Variants in COL4A2 observed in about 807,000 individuals in gnomAD.
COL4A2 encodes collagen alpha-2(IV) chain.
A neutral mutation model predicts 200.2 loss-of-function variants in COL4A2; 99 were observed. The ratio of observed to expected loss-of-function variants is 0.49; its 90% confidence interval spans 0.42 to 0.58. The LOEUF is 0.58. COL4A2 is among the 20% of genes least tolerant of loss of function. COL4A2 has a pLI of 0.00. For missense variants in COL4A2, 1,950 were observed against 2,314.1 expected (o/e 0.84, Z 3.23); for synonymous variants, 897 against 900.6 (o/e 1.00, Z 0.07).
At chr13:110,498,779 C>T (rs1439123064) in intron 40 of COL4A2, among the ~76,000 whole-genome samples, 1 of 152,170 alleles carries the variant, frequency 6.6e-6, no homozygotes, top group Non-Finnish European at 1.5e-5. Context: ...CATTGATGGC[C>T]TTATTACACA....
Position 110,438,018 on chromosome 13 carries a change from A to C in COL4A2, c.842A>C (p.Glu281Ala). 1 of 1,613,476 alleles carries C rather than the reference A, an allele frequency of 6.2e-7. No homozygotes were observed. Among genetic ancestry groups the C allele is most frequent in the Non-Finnish European group, 8.5e-7 (1 of 1,179,530 alleles). Residue 281 changes from glutamate (E) to alanine (A), a missense_variant, in exon 14 of 48, where the codon GAG becomes GCG. Physicochemically the swap from Glu to Ala is moderately radical, Grantham distance 107 (BLOSUM62 -1). Coordinates refer to ENST00000360467, the MANE Select transcript of COL4A2 (RefSeq NM_001846.4). ...TCTTCACAGGGTGAAAAAGGCAGTG[A>C]GGGGGAACCAGGAATAAGAGTAAGT... Reference protein sequence around the residue: ...PDQYKGEKGSEGEPGIRGISL... With the variant: ...PDQYKGEKGSAGEPGIRGISL...
At chr13:110,457,640 G>A (rs1387104325) in intron 21 of COL4A2, 2 of 682,274 alleles carry the variant, frequency 2.9e-6, no homozygotes, top group South Asian at 1.5e-5. Context: ...TCGGCCCCCA[G>A]GCTCACCGTC....
At chr13:110,360,445 A>G (rs1176583425) in intron 4 of COL4A2, among the ~76,000 whole-genome samples, 1 of 152,244 alleles carries the variant, frequency 6.6e-6, no homozygotes, top group Non-Finnish European at 1.5e-5. Flanking sequence ...ATAGCAGTGT[A>G]CTGTTACACG....
At chr13:110,441,894 A>G (rs1186274360) in intron 16 of COL4A2, among the ~76,000 whole-genome samples, 2 of 151,692 alleles carry the variant, frequency 1.3e-5, no homozygotes, top group African/African-American at 4.9e-5. Flanking sequence ...AACCTGGCCA[A>G]CATGGTGAAA....
chr13:110,326,435 C>G (rs1281516511), intron 3 of COL4A2, among the ~76,000 whole-genome samples: 1 of 152,160 alleles, frequency 6.6e-6, no homozygotes, highest in African/African-American at 2.4e-5. Context: ...CAGCTGCCAG[C>G]CTTCTGCTCC....
At chr13:110,504,364 G>A (rs1228343865) in intron 45 of COL4A2, 100 bp downstream of exon 45, 4 of 1,005,308 alleles carry the variant, frequency 4.0e-6, no homozygotes, top group East Asian at 2.4e-5. Context: ...GCCCAGAAAA[G>A]CCAGAAATGA....
intron 20 of COL4A2, among the ~76,000 whole-genome samples, chr13:110,454,560 G>A (rs953674859): frequency 3.3e-5 from 5 of 152,092 alleles, no homozygotes; most frequent in African/African-American, 7.2e-5. Flanking sequence ...GACCGGACAC[G>A]CAGCTGACCT....
intron 26 of COL4A2, 141 bp downstream of exon 26, chr13:110,466,203 G>A: frequency 3.3e-6 from 3 of 898,886 alleles, no homozygotes; most frequent in Non-Finnish European, 5.0e-6. Context: ...ACAACATAGT[G>A]GCCTGGTGAG....
intron 4 of COL4A2, among the ~76,000 whole-genome samples, chr13:110,372,428 G>C (rs1254033985): frequency 6.6e-6 from 1 of 152,340 alleles, no homozygotes; most frequent in East Asian, 1.9e-4. Context: ...GAAATGAGAA[G>C]TGTCATCCTG....
At chr13:110,438,151 T>TC (rs1880970628) in intron 14 of COL4A2, 114 bp downstream of exon 14, 2 of 777,744 alleles carry the variant, frequency 2.6e-6, no homozygotes, top group African/African-American at 3.5e-5. Context: ...CAGTCTCTCA[T>TC]CCCCTTGTCC....
intron 3 of COL4A2, among the ~76,000 whole-genome samples, chr13:110,328,024 C>A (rs971597401): frequency 3.9e-5 from 6 of 152,130 alleles, no homozygotes; most frequent in Admixed American, 3.3e-4. Flanking sequence ...AAATCATACA[C>A]CACAAACCTC....
intron 3 of COL4A2, among the ~76,000 whole-genome samples, chr13:110,354,151 GA>G (rs1409042671): frequency 6.6e-6 from 1 of 152,170 alleles, no homozygotes; most frequent in African/African-American, 2.4e-5. Flanking sequence ...AATAGCTTGG[GA>G]AACAGCAGAT....
intron 40 of COL4A2, among the ~76,000 whole-genome samples, chr13:110,501,454 G>C (rs567497807): frequency 5.9e-5 from 9 of 152,112 alleles, no homozygotes; most frequent in South Asian, 2.1e-4. Context: ...AGGCTGGGGT[G>C]GGGGAGGGGT....
intron 3 of COL4A2, among the ~76,000 whole-genome samples, chr13:110,319,572 A>G (rs914173120): frequency 1.3e-5 from 2 of 152,142 alleles, no homozygotes; most frequent in African/African-American, 4.8e-5. Flanking sequence ...GGCCTCCCAG[A>G]CTAGCCCGTA....
At chr13:110,446,423 C>T (rs1594218392) in intron 17 of COL4A2, among the ~76,000 whole-genome samples, 1 of 152,276 alleles carries the variant, frequency 6.6e-6, no homozygotes, top group East Asian at 1.9e-4. Flanking sequence ...ACACAGATGG[C>T]GCTCCACGGG....
At chr13:110,492,475 C>T (rs1594106751) in intron 38 of COL4A2, among the ~76,000 whole-genome samples, 4 of 152,320 alleles carry the variant, frequency 2.6e-5, no homozygotes, top group South Asian at 2.1e-4. Context: ...CACACAGGGA[C>T]GCACAGCAAG....
At chr13:110,358,890 A>G (rs1471958639) in intron 4 of COL4A2, among the ~76,000 whole-genome samples, 1 of 152,224 alleles carries the variant, frequency 6.6e-6, no homozygotes, top group African/African-American at 2.4e-5. Context: ...TTTAATTTTC[A>G]TAAGCATCTT....
In COL4A2 at chr13:110,310,557, C is replaced by T. The variant is rs112974354; in HGVS notation, c.99+2434C>T. On this transcript the variant is annotated intron_variant, in intron 3 of 47. Transcript: ENST00000360467. ...GTAGTTTGTTACGTTCAACAAGGGG[C>T]TGGTCTTCTACTTACTCACTTCTTG... Among the ~76,000 whole-genome samples the T allele has an allele frequency of 4.8e-3, 731 of 152,324 alleles. 9 individuals carry two copies. Among genetic ancestry groups the T allele is most frequent in the African/African-American group, 0.017 (700 of 41,564 alleles).
At chr13:110,338,555 C>A (rs1044707634) in intron 3 of COL4A2, among the ~76,000 whole-genome samples, 1 of 152,188 alleles carries the variant, frequency 6.6e-6, no homozygotes. Flanking sequence ...AGTTAGCACT[C>A]ACTGAAAACA....
Sources: allele counts gnomAD v4.1 joint callset (sites outside exome capture counted in the v4.1 genomes callset), GRCh38; gene constraint gnomAD v4.1.1; transcripts MANE v1.5; gene names NCBI Gene and HGNC (gene_info 2026-07-23, HGNC 2026-07-21).